The following VIPR2 variants were observed in gnomAD, a reference collection of about 807,000 sequenced individuals.
VIPR2 encodes the protein vasoactive intestinal polypeptide receptor 2.
Under a neutral mutation model 58.0 loss-of-function variants are expected in VIPR2, and 48 were observed. The observed-to-expected ratio is 0.83, with a 90% CI of 0.66 to 1.05. VIPR2 has a LOEUF of 1.05. Ranked by LOEUF, VIPR2 falls within the 50% of genes least tolerant of loss-of-function variation. The pLI is 0.00. For missense variants in VIPR2, 534 were observed against 558.0 expected (o/e 0.96, Z 0.43); for synonymous variants, 243 against 235.2 (o/e 1.03, Z -0.30).
chr7:159,082,416 G>A (rs1856953015), intron 4 of VIPR2, among the ~76,000 whole-genome samples: 1 of 152,064 alleles, frequency 6.6e-6, no homozygotes, highest in African/African-American at 2.4e-5. Context: ...ATTGAACAAT[G>A]AGAACACATG....
rs147303348 is a variant in VIPR2, at chr7:159,142,808, C to A, written c.52-263G>T. Among the ~76,000 whole-genome samples, 1,407 of 152,192 alleles carry A rather than the reference C, an allele frequency of 9.2e-3. 24 individuals carry two copies. The highest frequency in any genetic ancestry group is 0.032 in the African/African-American group (1,331 of 41,528). On this transcript the variant is annotated intron_variant, in intron 1 of 12. Coordinates refer to ENST00000262178, the MANE Select transcript of VIPR2 (RefSeq NM_003382.5). ...AAATGAACTTACTAACAGAATACAT[C>A]GGTACTAATTTGGAGGCAACAGAGC... is the stretch of plus-strand genomic sequence containing the variant.
Position 159,043,264 on chromosome 7 carries a change from A to G in VIPR2, c.456-88T>C, listed in dbSNP as rs1010876382. The G allele has an allele frequency of 6.7e-6, 8 of 1,195,314 alleles. No individual in the cohort carries two copies. The African/African-American group carries it at 1.2e-4, about 19-fold the overall frequency. The allele number at this position is 1,195,314 out of a possible 1,614,324, so 74.0% of individuals were successfully genotyped here. A position where few individuals can be genotyped will look rare whatever the true frequency, so the allele number is the denominator to read the frequency against. On this transcript the variant is annotated intron_variant, in intron 5 of 12. Transcript: ENST00000262178. ...CAGACAGAGATGAGAAACTCATACTATGATCAGAGAAGCACAGAAAAATAA... is the reference window on the plus strand; with the variant it reads ...CAGACAGAGATGAGAAACTCATACTGTGATCAGAGAAGCACAGAAAAATAA...
In VIPR2 at chr7:159,103,703, G is replaced by T. The variant is rs189393503; in HGVS notation, c.357+54C>A. On this transcript the variant is annotated intron_variant, in intron 4 of 12. Coordinates refer to ENST00000262178, the MANE Select transcript of VIPR2 (RefSeq NM_003382.5). ...TCTTGCAGGGCAGGAGGGGGCTTCT[G>T]GTGCAGTGTTAGGAAGTGGAACCTC... is the stretch of plus-strand genomic sequence containing the variant. 5 of 1,353,866 alleles carry T rather than the reference G, an allele frequency of 3.7e-6. No individual in the cohort carries two copies. In the East Asian group the frequency reaches 1.2e-4, roughly 31 times the overall value. 83.9% of individuals were successfully genotyped at this position (1,353,866 alleles called of 1,614,324 possible). A position where few individuals can be genotyped will look rare whatever the true frequency, so the allele number is the denominator to read the frequency against.
intron 4 of VIPR2, among the ~76,000 whole-genome samples, chr7:159,078,576 C>T (rs774225487): frequency 6.6e-5 from 10 of 152,160 alleles, no homozygotes; most frequent in African/African-American, 1.4e-4. Context: ...AAGATGCCAA[C>T]GAAAGTCTGC....
chr7:159,141,584 C>T (rs35539115), intron 2 of VIPR2, among the ~76,000 whole-genome samples: 44,949 of 152,174 alleles, frequency 0.3, 8,457 homozygotes, highest in African/African-American at 0.54. Context: ...AAATTAATAA[C>T]TTCAGGTTGA....
chr7:159,033,260 C>T (rs1339303887), intron 10 of VIPR2, among the ~76,000 whole-genome samples: 4 of 152,198 alleles, frequency 2.6e-5, no homozygotes, highest in South Asian at 2.1e-4. Flanking sequence ...CCTGTCTAAC[C>T]GCCCCTCCCC....
chr7:159,108,103 G>T (rs553261493), intron 3 of VIPR2, among the ~76,000 whole-genome samples: 1 of 152,214 alleles, frequency 6.6e-6, no homozygotes, highest in Non-Finnish European at 1.5e-5. Context: ...CATGTGTAGA[G>T]TGTTCTGTAG....
intron 4 of VIPR2, among the ~76,000 whole-genome samples, chr7:159,066,906 T>A (rs1432346170): frequency 1.3e-5 from 2 of 150,990 alleles, no homozygotes; most frequent in Non-Finnish European, 2.9e-5. Flanking sequence ...AGAAGGGGGA[T>A]TTTTTTGCCT....
intron 2 of VIPR2, among the ~76,000 whole-genome samples, chr7:159,131,366 TC>T (rs1465619863): frequency 2.6e-5 from 4 of 152,180 alleles, no homozygotes; most frequent in African/African-American, 9.7e-5. Flanking sequence ...AAGCTTGTCT[TC>T]CCAGGTGCAG....
At chr7:159,074,173 T>A (rs1484447196) in intron 4 of VIPR2, among the ~76,000 whole-genome samples, 1 of 152,196 alleles carries the variant, frequency 6.6e-6, no homozygotes, top group Non-Finnish European at 1.5e-5. Flanking sequence ...AGTAAAACTA[T>A]CAAGTAAATT....
At chr7:159,073,457 AC>A (rs1402299303) in intron 4 of VIPR2, among the ~76,000 whole-genome samples, 1 of 152,156 alleles carries the variant, frequency 6.6e-6, no homozygotes, top group Admixed American at 6.5e-5. Context: ...TTGCTCTGTC[AC>A]CCAGGTTGGA....
intron 2 of VIPR2, among the ~76,000 whole-genome samples, chr7:159,125,619 C>T (rs1460382799): frequency 6.6e-6 from 1 of 152,188 alleles, no homozygotes; most frequent in Non-Finnish European, 1.5e-5. Flanking sequence ...CTACCCCCAG[C>T]CCTAGTTCTG....
intron 2 of VIPR2, chr7:159,116,775 T>C (rs552877273): frequency 6.5e-6 from 1 of 153,028 alleles, no homozygotes; most frequent in Non-Finnish European, 1.5e-5. Flanking sequence ...AACTCAATTA[T>C]GTGACACCTT....
intron 4 of VIPR2, among the ~76,000 whole-genome samples, chr7:159,073,680 A>AT (rs2129494647): frequency 6.6e-6 from 1 of 152,162 alleles, no homozygotes; most frequent in Non-Finnish European, 1.5e-5. Context: ...AAATGCTATG[A>AT]TTACAGGCGT....
intron 2 of VIPR2, among the ~76,000 whole-genome samples, chr7:159,137,865 A>C (rs146565628): frequency 6.6e-6 from 1 of 152,222 alleles, no homozygotes; most frequent in East Asian, 1.9e-4. Flanking sequence ...GGACCTACTT[A>C]TATCAGAAAG....
At chr7:159,103,030 G>A (rs1376261299) in intron 4 of VIPR2, among the ~76,000 whole-genome samples, 3 of 152,212 alleles carry the variant, frequency 2.0e-5, no homozygotes, top group Admixed American at 2.0e-4. Context: ...GAGCCCTCAG[G>A]AGAAGCAGCT....
chr7:159,114,440 T>C (rs1474313402), intron 2 of VIPR2, among the ~76,000 whole-genome samples: 3 of 152,126 alleles, frequency 2.0e-5, no homozygotes, highest in Non-Finnish European at 1.5e-5. Context: ...GTCAGGGAAA[T>C]GGGACTTGTT....
chr7:159,098,299 G>C lies in VIPR2; in HGVS notation c.357+5458C>G, dbSNP rs1857989609. Among the ~76,000 whole-genome samples, 1 of 152,154 alleles carries C rather than the reference G, an allele frequency of 6.6e-6. No individual in the cohort carries two copies. The highest frequency in any genetic ancestry group is 1.5e-5 in the Non-Finnish European group (1 of 68,014). ...TCAGTCTGCTGGTGGTGGTGCTCGA[G>C]AACTGTGGCTTACAGTGCGGGTGGG... On this transcript the variant is annotated intron_variant, in intron 4 of 12. Transcript: ENST00000262178. This position sits in a 1 kb window ranked among gnomAD's most constrained non-coding sequence, Gnocchi z 5.2.
rs757107199 is a variant in VIPR2 at position 159,058,540 on chromosome 7, C to T, written c.396G>A (p.Leu132=). ...FYILVKAIYT[L]GYSVSLMSLA... is the part of the protein sequence containing the mutation. ...GAGACATCAGAGAGACACTGTAGCCCAGTGTATAAATGGCCTTCACCAGAA... is the reference window on the plus strand; with the variant it reads ...GAGACATCAGAGAGACACTGTAGCCTAGTGTATAAATGGCCTTCACCAGAA... Residue 132 remains leucine, a synonymous_variant, in exon 5 of 13, where the codon CTG becomes CTA. Coordinates refer to ENST00000262178, the MANE Select transcript of VIPR2 (RefSeq NM_003382.5). The T allele has an allele frequency of 6.2e-7, 1 of 1,613,636 alleles. No individual in the cohort carries two copies. The highest frequency in any genetic ancestry group is 1.1e-5 in the South Asian group (1 of 91,058).
Sources: gnomAD v4.1 joint callset for allele counts (sites outside exome capture counted in the v4.1 genomes callset) on GRCh38, gnomAD v4.1.1 for gene constraint, Gnocchi (gnomAD v3.1) non-coding constraint, MANE v1.5 for transcripts, NCBI Gene and HGNC (gene_info 2026-07-23, HGNC 2026-07-21) for gene names.